Variants in SEMA6A observed in about 807,000 individuals in gnomAD.
SEMA6A encodes semaphorin-6A.
A neutral mutation model predicts 96.8 loss-of-function variants in SEMA6A; 25 were observed. The ratio of observed to expected loss-of-function variants is 0.26; its 90% CI spans 0.19 to 0.36. SEMA6A has a LOEUF of 0.36. Ranked by LOEUF, SEMA6A falls within the 10% of genes least tolerant of loss-of-function variation. The pLI, the probability that SEMA6A is intolerant of heterozygous loss-of-function variation, is 1.00. For synonymous variants in SEMA6A, 612 were observed against 518.0 expected, an observed-to-expected ratio of 1.18 and a Z score of -2.46; for missense variants, 1,363 against 1,323.1, an observed-to-expected ratio of 1.03 and a Z score of -0.47.
At chr5:116,529,685 A>G (rs1422029028) in intron 1 of SEMA6A, among the ~76,000 whole-genome samples, 3 of 152,186 alleles carry the variant, frequency 2.0e-5, no homozygotes, top group African/African-American at 7.2e-5. Flanking sequence ...AGAGAAAGAA[A>G]GAGTTGTTTT....
intron 5 of SEMA6A, chr5:116,495,902 C>T (rs938816969): frequency 1.5e-5 from 5 of 323,546 alleles, no homozygotes; most frequent in Admixed American, 9.5e-5. Context: ...TGCATGTCTG[C>T]GGCAGCCTTT....
chr5:116,472,880 C>T lies in SEMA6A; in HGVS notation c.1729+193G>A, dbSNP rs1344093637. On this transcript the variant is annotated intron_variant, in intron 17 of 18. Coordinates refer to ENST00000343348, the MANE Select transcript of SEMA6A (RefSeq NM_020796.5). ...TAAAAAAAAAAAAAAAATCCGTAAA[C>T]TGACCATACACTGTGTTGTAAGACA... 3 of 1,472,920 alleles carry T rather than the reference C, an allele frequency of 2.0e-6. No homozygotes were observed. The East Asian group carries it at 7.6e-5, about 37-fold the overall frequency. The allele number at this position is 1,472,920 out of a possible 1,614,324, so 91.2% of individuals were successfully genotyped here. A position where few individuals can be genotyped will look rare whatever the true frequency, so the allele number is the denominator to read the frequency against.
chr5:116,445,359 C>G lies in SEMA6A; in HGVS notation c.*1254G>C, dbSNP rs1230404487. The G allele has an allele frequency of 6.6e-6, 1 of 152,632 alleles. No homozygotes were observed. Among genetic ancestry groups the G allele is most frequent in the Admixed American group, 6.5e-5 (1 of 15,274 alleles). The allele number at this position is 152,632 out of a possible 1,614,324, so 9.5% of individuals were successfully genotyped here. On this transcript the variant is annotated 3_prime_UTR_variant, in exon 19 of 19. Transcript: ENST00000343348. The stretch of plus-strand genomic sequence containing the variant: ...TTCACAGATGTAACCCCACGAAGAA[C>G]CCGTGTGATCAAATCATTAATTTAT...
intron 1 of SEMA6A, among the ~76,000 whole-genome samples, chr5:116,522,181 T>G (rs1363630294): frequency 1.3e-5 from 2 of 152,198 alleles, no homozygotes; most frequent in African/African-American, 4.8e-5. Flanking sequence ...GAGGTCAGAT[T>G]TGGGTAAGAA....
rs780358690 is a variant in SEMA6A at position 116,480,254 on chromosome 5, G to C, written c.1118C>G (p.Ser373Cys). ...KPRPGCCAGS[S>C]SLERYATSNE... The stretch of plus-strand genomic sequence containing the variant: ...GGAGGTTGCATATCTTTCTAAGGAG[G>C]ATGAGCCAGCACAGCAACCTGGCCT... The change falls in exon 12 of 19, where the codon TCC (serine) becomes TGC (cysteine). Residue 373 changes from serine (S) to cysteine (C), a missense_variant. Physicochemically the swap from Ser to Cys is moderately radical, Grantham distance 112 (BLOSUM62 -1). Around this residue, in one of 2 missense-constraint regions of SEMA6A, gnomAD observed 480 missense variants for 559.5 expected, o/e 0.86. Transcript: ENST00000343348. The C allele has an allele frequency of 6.2e-7, 1 of 1,613,668 alleles. No homozygotes were observed. Among genetic ancestry groups the C allele is most frequent in the African/African-American group, 1.3e-5 (1 of 74,912 alleles).
At chr5:116,570,091 C>G (rs1761149053) in intron 1 of SEMA6A, among the ~76,000 whole-genome samples, 1 of 152,074 alleles carries the variant, frequency 6.6e-6, no homozygotes, top group African/African-American at 2.4e-5. Context: ...TGCAGTAGTC[C>G]CATGGTGAGA....
chr5:116,491,182 T>G (rs78376007), intron 7 of SEMA6A, among the ~76,000 whole-genome samples: 1,963 of 152,280 alleles, frequency 0.013, 46 homozygotes, highest in African/African-American at 0.044. Context: ...TTCCAGAGGC[T>G]TCCTTTTGTT....
Position 116,446,481 on chromosome 5 carries a change from G to A in SEMA6A, c.*132C>T, listed in dbSNP as rs886696106. 73 of 757,622 alleles carry A rather than the reference G, an allele frequency of 9.6e-5. No individual in the cohort carries two copies. In the African/African-American group the frequency reaches 1.2e-3, roughly 13 times the overall value. 46.9% of individuals were successfully genotyped at this position (757,622 alleles called of 1,614,324 possible). ...AGTACCCCTGTGTCCCAGAGAGGAG[G>A]ACCCAGCGTCCTCGGCTCTGCCGCA... On this transcript the variant is annotated 3_prime_UTR_variant, in exon 19 of 19. Coordinates refer to ENST00000343348, the MANE Select transcript of SEMA6A (RefSeq NM_020796.5).
At chr5:116,513,968 T>C (rs935240326) in intron 1 of SEMA6A, among the ~76,000 whole-genome samples, 2 of 152,236 alleles carry the variant, frequency 1.3e-5, no homozygotes, top group African/African-American at 4.8e-5. Flanking sequence ...CCTTGTTTCT[T>C]TTAATGGCTG....
At chr5:116,454,993 T>C (rs1190592610) in intron 18 of SEMA6A, among the ~76,000 whole-genome samples, 2 of 152,188 alleles carry the variant, frequency 1.3e-5, no homozygotes, top group East Asian at 3.8e-4. Flanking sequence ...AAAACTCACA[T>C]ATTGAAATAA....
intron 17 of SEMA6A, chr5:116,469,398 G>GAAGT (rs1431813306): frequency 6.6e-6 from 1 of 152,172 alleles, no homozygotes; most frequent in East Asian, 1.9e-4. Context: ...TGGAAATATA[G>GAAGT]AAGTTCCTTT....
chr5:116,537,192 TAATA>T (rs1375095646), intron 1 of SEMA6A, among the ~76,000 whole-genome samples: 2 of 152,208 alleles, frequency 1.3e-5, no homozygotes, highest in African/African-American at 4.8e-5. Flanking sequence ...CATGTGTTCA[TAATA>T]AATACATTTC....
chr5:116,477,575 T>C (rs554024916), intron 15 of SEMA6A, among the ~76,000 whole-genome samples: 1 of 152,306 alleles, frequency 6.6e-6, no homozygotes, highest in East Asian at 1.9e-4. Context: ...CACCTTCTTG[T>C]CTCTCTCTCC....
intron 3 of SEMA6A, among the ~76,000 whole-genome samples, chr5:116,499,685 G>C (rs1757781171): frequency 6.6e-6 from 1 of 152,196 alleles, no homozygotes; most frequent in South Asian, 2.1e-4. Flanking sequence ...ATGCTACAGT[G>C]ATACAAACTT....
intron 9 of SEMA6A, chr5:116,487,268 CA>C: frequency 3.4e-6 from 1 of 290,212 alleles, no homozygotes; most frequent in Non-Finnish European, 6.6e-6. Flanking sequence ...TTTCCTCAAA[CA>C]AAAGCACACT....
intron 7 of SEMA6A, among the ~76,000 whole-genome samples, chr5:116,490,543 C>T (rs1018507853): frequency 3.9e-5 from 6 of 152,326 alleles, no homozygotes; most frequent in Middle Eastern, 3.4e-3. Context: ...TAGCCTTGCT[C>T]ATACCTTACA....
chr5:116,480,093 C>T (rs752006360), intron 12 of SEMA6A, 29 bp downstream of exon 12: 3 of 1,609,880 alleles, frequency 1.9e-6, no homozygotes, highest in Non-Finnish European at 2.5e-6. Context: ...TTAGGAAATC[C>T]ATCAGGACAC....
chr5:116,510,812 G>A (rs1561507595), intron 1 of SEMA6A, among the ~76,000 whole-genome samples: 1 of 152,078 alleles, frequency 6.6e-6, no homozygotes, highest in South Asian at 2.1e-4. Context: ...CAAACATGGT[G>A]TGGTTTTTAA....
chr5:116,565,534 A>C (rs1018809758), intron 1 of SEMA6A, among the ~76,000 whole-genome samples: 1 of 152,166 alleles, frequency 6.6e-6, no homozygotes, highest in South Asian at 2.1e-4. Context: ...ATAAAAATCA[A>C]CTCCACTGCC....
Sources: gnomAD v4.1 joint callset for allele counts (sites outside exome capture counted in the v4.1 genomes callset) on GRCh38, gnomAD v4.1.1 for gene constraint, gnomAD v4.1.1 regional missense constraint, MANE v1.5 for transcripts, NCBI Gene and HGNC (gene_info 2026-07-23, HGNC 2026-07-21) for gene names.